Variants in SLC6A15 observed in about 807,000 individuals in gnomAD.
SLC6A15 encodes the protein sodium-dependent neutral amino acid transporter B(0)AT2.
SLC6A15 carries 33 observed loss-of-function variants against 68.5 expected under a neutral mutation model. The observed-to-expected ratio is 0.48, with a 90% confidence interval of 0.37 to 0.64. SLC6A15 has a LOEUF of 0.64. SLC6A15 is among the 30% of genes least tolerant of loss of function. The probability of loss-of-function intolerance (pLI) is 0.00; values close to 1 mark genes in which losing one functional copy is unlikely to be tolerated. For missense variants in SLC6A15, 747 were observed against 874.3 expected, an observed-to-expected ratio of 0.85 and a Z score of 1.84; for synonymous variants, 347 against 301.0, an observed-to-expected ratio of 1.15 and a Z score of -1.58.
At chr12:84,877,742 G>T (rs1265426321) in intron 5 of SLC6A15, among the ~76,000 whole-genome samples, 1 of 152,006 alleles carries the variant, frequency 6.6e-6, no homozygotes, top group Non-Finnish European at 1.5e-5. Flanking sequence ...TCTCCCATCT[G>T]CCCCCTGCCA....
chr12:84,900,954 G>GTA (rs1183687897), intron 1 of SLC6A15, among the ~76,000 whole-genome samples: 1 of 141,816 alleles, frequency 7.1e-6, no homozygotes, highest in Non-Finnish European at 1.5e-5. Context: ...GTATAGATAT[G>GTA]TATATATATA....
intron 10 of SLC6A15, among the ~76,000 whole-genome samples, chr12:84,865,052 T>C (rs1871011881): frequency 6.6e-6 from 1 of 152,208 alleles, no homozygotes. Flanking sequence ...AATGGAAATC[T>C]AAATTACAAA....
Position 84,886,065 on chromosome 12 carries a change from G to A in SLC6A15, c.293C>T (p.Ala98Val). ...PYLCQKNGGG[A>V]YLLPYLILLM... ...TAGTATTAAATATGGTAAAAGATAT[G>A]CACCTAAAGAAACAACAACAAAAAA... The change falls in exon 3 of 12, where the codon GCA becomes GTA. Residue 98 changes from alanine to valine, a missense_variant. Transcript: ENST00000266682. 1 of 1,578,426 alleles carries A rather than the reference G, an allele frequency of 6.3e-7. No individual in the cohort carries two copies. The highest frequency in any genetic ancestry group is 8.7e-7 in the Non-Finnish European group (1 of 1,154,744).
chr12:84,899,561 T>C (rs1239104885), intron 1 of SLC6A15, among the ~76,000 whole-genome samples: 3 of 152,156 alleles, frequency 2.0e-5, no homozygotes, highest in Non-Finnish European at 4.4e-5. Flanking sequence ...CATCCCATTG[T>C]TTCTTTGAGC....
chr12:84,882,243 A>C, intron 5 of SLC6A15: 1 of 985,270 alleles, frequency 1.0e-6, no homozygotes, highest in Non-Finnish European at 1.2e-6. Flanking sequence ...GAATCATATA[A>C]ATATGGTTAG....
At chr12:84,883,687 T>C in intron 5 of SLC6A15, 172 bp downstream of exon 5, 1 of 1,533,628 alleles carries the variant, frequency 6.5e-7, no homozygotes. Flanking sequence ...TTTTTATTTG[T>C]CTTTTTAAAA....
At chr12:84,911,633 C>T (rs532663970) in intron 1 of SLC6A15, among the ~76,000 whole-genome samples, 29 of 152,300 alleles carry the variant, frequency 1.9e-4, no homozygotes, top group African/African-American at 5.8e-4. Flanking sequence ...TGTTCCCGAA[C>T]GCCTCGGGCG....
chr12:84,912,326 G>C (rs1230263326), intron 1 of SLC6A15, among the ~76,000 whole-genome samples, 197 bp downstream of exon 1: 2 of 152,076 alleles, frequency 1.3e-5, no homozygotes, highest in Non-Finnish European at 2.9e-5. Context: ...AGAGTTAGAC[G>C]GTTGCCCGCC....
At position 84,887,293 on chromosome 12, in the gene SLC6A15, A is replaced by C. The variant is rs180877605; in HGVS notation, c.290-1225T>G. Among the ~76,000 whole-genome samples the C allele has an allele frequency of 2.4e-3, 364 of 152,326 alleles. 1 individual carries two copies. The Middle Eastern group carries it at 0.027, about 11-fold the overall frequency. On this transcript the variant is annotated intron_variant, in intron 2 of 11. Transcript: ENST00000266682. ...TTTAATGGCACTGAATAGATTTTTG[A>C]AGCTATTCGAATCGTCTTAATGGAA...
intron 2 of SLC6A15, among the ~76,000 whole-genome samples, chr12:84,889,339 A>G (rs994785019): frequency 1.3e-5 from 2 of 151,870 alleles, no homozygotes; most frequent in Non-Finnish European, 2.9e-5. Flanking sequence ...AAATACAAAA[A>G]ATTAGCTGGG....
intron 8 of SLC6A15, 45 bp downstream of exon 8, chr12:84,872,557 C>T: frequency 6.6e-7 from 1 of 1,525,404 alleles, no homozygotes; most frequent in Non-Finnish European, 9.0e-7. Flanking sequence ...ATGCATATTT[C>T]AAGTGAATGA....
At chr12:84,863,638 T>A in intron 10 of SLC6A15, 37 bp from the exon 11 acceptor site, 1 of 1,403,150 alleles carries the variant, frequency 7.1e-7, no homozygotes, top group Non-Finnish European at 9.5e-7. Context: ...TTCCTTAATT[T>A]AATATTGCTA....
chr12:84,909,349 T>C (rs1370037431), intron 1 of SLC6A15, among the ~76,000 whole-genome samples: 1 of 152,208 alleles, frequency 6.6e-6, no homozygotes, highest in Non-Finnish European at 1.5e-5. Flanking sequence ...CTTACAGCTC[T>C]GCCCTGTGTC....
At position 84,870,604 on chromosome 12, in the gene SLC6A15, G is replaced by C. The variant is rs1871245326; in HGVS notation, c.1369C>G (p.Pro457Ala). 2 of 1,612,492 alleles carry C rather than the reference G, an allele frequency of 1.2e-6. No homozygotes were observed. The highest frequency in any genetic ancestry group is 1.7e-6 in the Non-Finnish European group (2 of 1,179,178). Residue 457 changes from proline (P) to alanine (A), a missense_variant, in exon 9 of 12, where the codon CCC becomes GCC. By Grantham distance (27) the Pro-to-Ala change is conservative. Coordinates refer to ENST00000266682, the MANE Select transcript of SLC6A15 (RefSeq NM_182767.6). ...TEAMTHFPASPFWSVMFFLML... is the reference protein window; with the variant it reads ...TEAMTHFPASAFWSVMFFLML... ...AGGAAAAACATCACTGACCAGAAGG[G>C]AGATGCAGGAAAATGTGTCATCGCT...
At chr12:84,896,602 A>G (rs1057320712) in intron 1 of SLC6A15, among the ~76,000 whole-genome samples, 2 of 152,216 alleles carry the variant, frequency 1.3e-5, no homozygotes, top group African/African-American at 4.8e-5. Flanking sequence ...TCCCATGTCA[A>G]AAAATATTCC....
intron 1 of SLC6A15, among the ~76,000 whole-genome samples, chr12:84,901,734 T>C (rs572877717): frequency 1.3e-5 from 2 of 152,006 alleles, no homozygotes; most frequent in East Asian, 1.9e-4. Context: ...CACTGGCTAA[T>C]TTTTGGCATT....
intron 2 of SLC6A15, among the ~76,000 whole-genome samples, chr12:84,891,539 C>G (rs1049951209): frequency 1.3e-5 from 2 of 152,074 alleles, no homozygotes; most frequent in Non-Finnish European, 2.9e-5. Context: ...ACAAACGATG[C>G]AAGAAAAGTT....
intron 2 of SLC6A15, among the ~76,000 whole-genome samples, chr12:84,890,066 G>C (rs1044868601): frequency 3.9e-5 from 6 of 152,022 alleles, no homozygotes; most frequent in Admixed American, 3.9e-4. Flanking sequence ...CCAACAATTA[G>C]AAGACTCAAT....
chr12:84,889,350 C>A (rs1275018558), intron 2 of SLC6A15, among the ~76,000 whole-genome samples: 1 of 151,774 alleles, frequency 6.6e-6, no homozygotes, highest in South Asian at 2.1e-4. Context: ...ATTAGCTGGG[C>A]GCGGTGGCGG....
Sources: gnomAD v4.1 joint callset for allele counts (sites outside exome capture counted in the v4.1 genomes callset) on GRCh38, gnomAD v4.1.1 for gene constraint, MANE v1.5 for transcripts, NCBI Gene and HGNC (gene_info 2026-07-23, HGNC 2026-07-21) for gene names.